Variants in VTCN1 observed in about 807,000 individuals in gnomAD.
The protein encoded by VTCN1 is V-set domain containing T cell activation inhibitor 1, also known as V-set domain-containing T-cell activation inhibitor 1.
VTCN1 carries 26 observed loss-of-function variants against 26.5 expected under a neutral mutation model. The ratio of observed to expected loss-of-function variants is 0.98; its 90% CI spans 0.72 to 1.36. The LOEUF (loss-of-function observed/expected upper bound fraction) is 1.36, where lower values mean the gene tolerates loss of function less well. Among genes scored for constraint, VTCN1 ranks in the 40% most tolerant of loss-of-function variants. VTCN1 has a pLI of 0.00. For synonymous variants in VTCN1, 116 were observed against 130.7 expected, an observed-to-expected ratio of 0.89 and a Z score of 0.77; for missense variants, 298 against 337.7, an observed-to-expected ratio of 0.88 and a Z score of 0.92.
intron 4 of VTCN1, among the ~76,000 whole-genome samples, chr1:117,148,403 A>C (rs1423781311): frequency 1.3e-5 from 2 of 152,172 alleles, no homozygotes; most frequent in African/African-American, 4.8e-5. Context: ...TAGGGTTCTT[A>C]TGAGGATTAA....
At chr1:117,185,785 C>T (rs1252576254) in intron 1 of VTCN1, among the ~76,000 whole-genome samples, 2 of 152,012 alleles carry the variant, frequency 1.3e-5, no homozygotes, top group East Asian at 1.9e-4. Flanking sequence ...CAACCATTTG[C>T]GAGTCAGAAA....
In VTCN1 at chr1:117,178,838, A is replaced by C. The variant is rs1055848339; in HGVS notation, c.33-8667T>G. ...ACTCCTGGCATCAAGCAATCCTCCC[A>C]CCTTGGCCTCTAGAGTATTAGGATT... On this transcript the variant is annotated intron_variant, in intron 1 of 5. Transcript: ENST00000369458. Among the ~76,000 whole-genome samples the C allele has an allele frequency of 2.0e-5, 3 of 150,974 alleles. No homozygotes were observed. In the East Asian group the frequency reaches 5.9e-4, roughly 30 times the overall value.
rs1229793186 is a variant in VTCN1, at chr1:117,195,256, G to A, written c.32+15568C>T. On this transcript the variant is annotated intron_variant, in intron 1 of 5. Transcript: ENST00000369458. ...CAGCCTGGAGAGAGAGCAAGACTCC[G>A]TCTCAAAATAATAATAATAATAATA... 1.5e-4 allele frequency among the ~76,000 whole-genome samples: 17 copies of A among 111,184 alleles called. No individual in the cohort carries two copies. The East Asian group carries it at 1.7e-3, about 11-fold the overall frequency. 72.9% of individuals were successfully genotyped at this position (111,184 alleles called of 152,430 possible).
intron 2 of VTCN1, among the ~76,000 whole-genome samples, chr1:117,158,943 A>C (rs979662213): frequency 3.3e-5 from 5 of 152,168 alleles, no homozygotes; most frequent in African/African-American, 1.2e-4. Context: ...AACAAGAGTC[A>C]CCTTTACTCC....
At chr1:117,153,727 G>A (rs1189290169) in intron 3 of VTCN1, among the ~76,000 whole-genome samples, 1 of 152,166 alleles carries the variant, frequency 6.6e-6, no homozygotes, top group Non-Finnish European at 1.5e-5. Flanking sequence ...CTAGGGATCT[G>A]TGAAGCTTCT....
At chr1:117,186,825 C>T (rs571604378) in intron 1 of VTCN1, among the ~76,000 whole-genome samples, 103 of 151,894 alleles carry the variant, frequency 6.8e-4, no homozygotes, top group African/African-American at 2.3e-3. Flanking sequence ...GCCAGGAGTT[C>T]GAGACCAGCC....
At chr1:117,186,627 G>T (rs1647957442) in intron 1 of VTCN1, among the ~76,000 whole-genome samples, 1 of 152,188 alleles carries the variant, frequency 6.6e-6, no homozygotes, top group Non-Finnish European at 1.5e-5. Flanking sequence ...GGAATGAGAG[G>T]GTAGGTATAA....
chr1:117,175,662 A>G lies in VTCN1; in HGVS notation c.33-5491T>C, dbSNP rs1015898966. 2.0e-5 allele frequency among the ~76,000 whole-genome samples: 3 copies of G among 152,076 alleles called. No homozygotes were observed. The highest frequency in any genetic ancestry group is 4.4e-5 in the Non-Finnish European group (3 of 68,012). ...CATCATTCCCGTTTTGCAACCACAC[A>G]TGAGCTCATTGATGCTATAGAAACA... is the stretch of plus-strand genomic sequence containing the variant. On this transcript the variant is annotated intron_variant, in intron 1 of 5. Transcript: ENST00000369458. The surrounding 1 kb of genome is among the most constrained non-coding windows in gnomAD (Gnocchi z 4.2).
At chr1:117,176,622 A>G (rs1647368041) in intron 1 of VTCN1, among the ~76,000 whole-genome samples, 1 of 152,226 alleles carries the variant, frequency 6.6e-6, no homozygotes, top group Non-Finnish European at 1.5e-5. Context: ...CGTGTGATTG[A>G]TAAATGTTTA....
chr1:117,173,104 G>C lies in VTCN1; in HGVS notation c.33-2933C>G, dbSNP rs144880439. The C allele has an allele frequency of 1.3e-3, 954 of 709,698 alleles. 7 individuals are homozygous for C. The African/African-American group carries it at 0.014, about 11-fold the overall frequency. The allele number at this position is 709,698 out of a possible 1,614,324, so 44.0% of individuals were successfully genotyped here. A position where few individuals can be genotyped will look rare whatever the true frequency, so the allele number is the denominator to read the frequency against. On this transcript the variant is annotated intron_variant, in intron 1 of 5. Transcript: ENST00000369458. ...CCGCAGCTTCATTCCTGAAGTCAGA[G>C]AGACCAGAACCCACAGGGAGGAGCA...
At chr1:117,185,550 T>A (rs760865088) in intron 1 of VTCN1, among the ~76,000 whole-genome samples, 2 of 152,158 alleles carry the variant, frequency 1.3e-5, no homozygotes, top group Non-Finnish European at 2.9e-5. Context: ...CAGGCCGTGA[T>A]AGGAAGCAGA....
At chr1:117,207,334 T>C (rs542570021) in intron 1 of VTCN1, among the ~76,000 whole-genome samples, 2 of 152,298 alleles carry the variant, frequency 1.3e-5, no homozygotes, top group African/African-American at 2.4e-5. Context: ...TAAAGGTTTA[T>C]GGATCACTAG....
intron 4 of VTCN1, among the ~76,000 whole-genome samples, chr1:117,152,098 T>C (rs545341240): frequency 1.3e-5 from 2 of 152,286 alleles, no homozygotes; most frequent in African/African-American, 4.8e-5. Flanking sequence ...TCTTAATATA[T>C]TCTGGATTGA....
At chr1:117,198,786 G>A (rs1340119011) in intron 1 of VTCN1, among the ~76,000 whole-genome samples, 3 of 152,130 alleles carry the variant, frequency 2.0e-5, no homozygotes, top group East Asian at 1.9e-4. Context: ...TGAGAAATAC[G>A]GGGTGATCCA....
rs2101420116 is a variant in VTCN1 at position 117,147,196 on chromosome 1, G to A, written c.*45+417C>T. On this transcript the variant is annotated intron_variant, in intron 5 of 5. Coordinates refer to ENST00000369458, the MANE Select transcript of VTCN1 (RefSeq NM_024626.4). This position sits in a 1 kb window ranked among gnomAD's most constrained non-coding sequence, Gnocchi z 4.6. ...AATCTCAGCAGGAGGGCTAGTTGGT[G>A]AGTCATCTGCCAACTGTCCACAGGG... Among the ~76,000 whole-genome samples the A allele has an allele frequency of 6.6e-6, 1 of 152,300 alleles. No individual in the cohort carries two copies. Among genetic ancestry groups the A allele is most frequent in the South Asian group, 2.1e-4 (1 of 4,826 alleles).
chr1:117,206,270 C>T (rs540544893), intron 1 of VTCN1, among the ~76,000 whole-genome samples: 98 of 152,036 alleles, frequency 6.4e-4, no homozygotes, highest in African/African-American at 2.3e-3. Context: ...ACCCTCACTG[C>T]AACATCTGTT....
chr1:117,192,707 A>T (rs932904972), intron 1 of VTCN1, among the ~76,000 whole-genome samples: 3 of 152,190 alleles, frequency 2.0e-5, no homozygotes, highest in African/African-American at 7.2e-5. Flanking sequence ...TGTTAGCTTA[A>T]AATAGACTGT....
intron 1 of VTCN1, among the ~76,000 whole-genome samples, chr1:117,187,144 C>T (rs149540312): frequency 1.3e-5 from 2 of 151,578 alleles, no homozygotes; most frequent in African/African-American, 4.9e-5. Flanking sequence ...AACCCTGCCT[C>T]TACAAAAAAT....
chr1:117,165,711 C>T (rs1349903848), intron 2 of VTCN1, among the ~76,000 whole-genome samples: 4 of 152,224 alleles, frequency 2.6e-5, no homozygotes, highest in South Asian at 4.1e-4. Context: ...CCTGCAGAAT[C>T]GTGAGCCAAT....
Sources: gnomAD v4.1 joint callset for allele counts (sites outside exome capture counted in the v4.1 genomes callset) on GRCh38, gnomAD v4.1.1 for gene constraint, Gnocchi (gnomAD v3.1) non-coding constraint, MANE v1.5 for transcripts, NCBI Gene and HGNC (gene_info 2026-07-23, HGNC 2026-07-21) for gene names.